ANKS1B: variants seen among roughly 807,000 people sequenced by gnomAD.
The protein encoded by ANKS1B is ankyrin repeat and sterile alpha motif domain containing 1B.
Under a neutral mutation model 148.3 loss-of-function variants are expected in ANKS1B, and 36 were observed. The ratio of observed to expected loss-of-function variants is 0.24; its 90% confidence interval spans 0.19 to 0.32. The LOEUF is 0.32. Ranked by LOEUF, ANKS1B falls within the 10% of genes least tolerant of loss-of-function variation. ANKS1B has a pLI of 1.00. For missense variants in ANKS1B, 1,157 were observed against 1,542.6 expected, an observed-to-expected ratio of 0.75 and a Z score of 4.19; for synonymous variants, 542 against 560.8, an observed-to-expected ratio of 0.97 and a Z score of 0.47.
At chr12:98,939,717 T>C (rs1475683274) in intron 17 of ANKS1B, among the ~76,000 whole-genome samples, 1 of 152,242 alleles carries the variant, frequency 6.6e-6, no homozygotes, top group Non-Finnish European at 1.5e-5. Flanking sequence ...GTGTTCAAAT[T>C]GTCACAAGTT....
At chr12:98,897,378 GA>G (rs372010438) in intron 17 of ANKS1B, among the ~76,000 whole-genome samples, 48 of 145,444 alleles carry the variant, frequency 3.3e-4, no homozygotes, top group African/African-American at 5.8e-4. Flanking sequence ...CAATCAACAA[GA>G]AAAAAAAAAG....
chr12:99,580,244 A>T (rs894259844), intron 9 of ANKS1B, among the ~76,000 whole-genome samples: 2 of 152,174 alleles, frequency 1.3e-5, no homozygotes, highest in African/African-American at 4.8e-5. Flanking sequence ...CCTACCAGGT[A>T]CTATGCTCAC....
chr12:99,831,671 T>C (rs1188891748), intron 1 of ANKS1B, among the ~76,000 whole-genome samples: 1 of 152,034 alleles, frequency 6.6e-6, no homozygotes, highest in East Asian at 1.9e-4. Flanking sequence ...AGCATCAGTG[T>C]CTTATATGGC....
intron 22 of ANKS1B, chr12:98,795,699 A>C (rs1241538886): frequency 2.2e-6 from 1 of 445,604 alleles, no homozygotes; most frequent in Non-Finnish European, 4.5e-6. Context: ...CAAAACAAAA[A>C]ACAAAACCCA....
intron 10 of ANKS1B, among the ~76,000 whole-genome samples, chr12:99,446,510 A>G (rs554093415): frequency 6.6e-6 from 1 of 152,158 alleles, no homozygotes; most frequent in South Asian, 2.1e-4. Context: ...CACCATCCCT[A>G]TTTTACAGAG....
intron 14 of ANKS1B, among the ~76,000 whole-genome samples, chr12:99,160,569 C>T (rs1469502503): frequency 8.6e-5 from 13 of 150,434 alleles, no homozygotes; most frequent in East Asian, 1.9e-4. Flanking sequence ...AGGATGGTCT[C>T]GATCTCCTGA....
At chr12:99,208,153 G>C (rs1290251826) in intron 14 of ANKS1B, among the ~76,000 whole-genome samples, 2 of 152,010 alleles carry the variant, frequency 1.3e-5, no homozygotes, top group East Asian at 3.8e-4. Flanking sequence ...TTATCAAGAT[G>C]ATTCTGTGTG....
chr12:99,092,520 G>A (rs890574708), intron 15 of ANKS1B, among the ~76,000 whole-genome samples: 1 of 151,296 alleles, frequency 6.6e-6, no homozygotes, highest in African/African-American at 2.4e-5. Context: ...CATAATCTTG[G>A]CAGATATCTG....
At chr12:99,296,955 T>C (rs755828700) in intron 12 of ANKS1B, among the ~76,000 whole-genome samples, 6 of 152,278 alleles carry the variant, frequency 3.9e-5, no homozygotes, top group Non-Finnish European at 8.8e-5. Context: ...AGATTATGAA[T>C]TGCGTTGGGC....
In ANKS1B at chr12:99,725,929, C is replaced by T. The variant is rs542014658; in HGVS notation, c.1128+46993G>A. Among the ~76,000 whole-genome samples the T allele has an allele frequency of 3.4e-4, 51 of 152,164 alleles. 1 individual carries two copies. Among genetic ancestry groups the T allele is most frequent in the African/African-American group, 1.2e-3 (51 of 41,530 alleles). On this transcript the variant is annotated intron_variant, in intron 8 of 26. Transcript: ENST00000683438. ...TAAATAATGAAATTAAGGCAGAAAT[C>T]AAGTTATTTGAAACCAATAAGAACA...
chr12:99,628,848 T>C (rs1456498250), intron 9 of ANKS1B, among the ~76,000 whole-genome samples: 1 of 152,188 alleles, frequency 6.6e-6, no homozygotes. Flanking sequence ...AATCCATTCA[T>C]GAGGGCAGAG....
At chr12:98,862,768 C>T (rs924775447) in intron 17 of ANKS1B, among the ~76,000 whole-genome samples, 13 of 152,210 alleles carry the variant, frequency 8.5e-5, no homozygotes, top group African/African-American at 2.7e-4. Flanking sequence ...TCTGTACCCA[C>T]ATGCCCCATA....
Position 98,909,203 on chromosome 12 carries a change from T to A in ANKS1B, c.2779-77067A>T, listed in dbSNP as rs116079147. ...TTGTTATATTGTATATATATGTATA[T>A]TCTGTTTGGTTTCTATTCTTCCACA... On this transcript the variant is annotated intron_variant, in intron 17 of 26. Transcript: ENST00000683438. Among the ~76,000 whole-genome samples the A allele has an allele frequency of 4.7e-3, 714 of 152,306 alleles. 8 individuals are homozygous for A. Among genetic ancestry groups the A allele is most frequent in the African/African-American group, 0.017 (699 of 41,570 alleles).
At chr12:99,297,252 A>G (rs1256205717) in intron 12 of ANKS1B, among the ~76,000 whole-genome samples, 3 of 152,210 alleles carry the variant, frequency 2.0e-5, no homozygotes, top group Non-Finnish European at 4.4e-5. Context: ...CAATTAAAAC[A>G]TACTTCATTT....
intron 11 of ANKS1B, among the ~76,000 whole-genome samples, chr12:99,424,645 A>C (rs1216938878): frequency 6.7e-6 from 1 of 148,442 alleles, no homozygotes; most frequent in Admixed American, 6.7e-5. Context: ...ACACACACAC[A>C]CATACACACA....
intron 11 of ANKS1B, among the ~76,000 whole-genome samples, chr12:99,431,097 C>T (rs1317889529): frequency 6.6e-6 from 1 of 152,120 alleles, no homozygotes; most frequent in East Asian, 1.9e-4. Context: ...TAAAATGATG[C>T]TAAAATAATA....
chr12:98,898,693 AAT>A (rs1390721721), intron 17 of ANKS1B, among the ~76,000 whole-genome samples: 2 of 152,194 alleles, frequency 1.3e-5, no homozygotes, highest in African/African-American at 2.4e-5. Context: ...AAAAACAGAT[AAT>A]ATATAGTCTG....
intron 15 of ANKS1B, among the ~76,000 whole-genome samples, chr12:99,153,182 A>T (rs1033996009): frequency 6.6e-6 from 1 of 152,164 alleles, no homozygotes; most frequent in Non-Finnish European, 1.5e-5. Context: ...TAATGTTAAT[A>T]ATCTTCAAAT....
At chr12:98,806,798 C>T (rs533758715) in intron 20 of ANKS1B, among the ~76,000 whole-genome samples, 1 of 152,246 alleles carries the variant, frequency 6.6e-6, no homozygotes, top group East Asian at 1.9e-4. Context: ...TGAAAAAGAG[C>T]AGAGATGGCT....
Sources: gnomAD v4.1 joint callset for allele counts (sites outside exome capture counted in the v4.1 genomes callset) on GRCh38, gnomAD v4.1.1 for gene constraint, MANE v1.5 for transcripts, NCBI Gene and HGNC (gene_info 2026-07-23, HGNC 2026-07-21) for gene names.